RNLS: variants seen among roughly 807,000 people sequenced by gnomAD.
The protein encoded by RNLS is renalase, FAD dependent amine oxidase, also known as renalase.
RNLS carries 39 observed loss-of-function variants against 39.8 expected under a neutral mutation model. The ratio of observed to expected loss-of-function variants is 0.98; its 90% CI spans 0.76 to 1.28. The LOEUF is 1.28. Among genes scored for constraint, RNLS ranks in the 50% most tolerant of loss-of-function variants. The pLI is 0.00. For missense variants in RNLS, 410 were observed against 413.3 expected (o/e 0.99, Z 0.07); for synonymous variants, 147 against 150.7 (o/e 0.98, Z 0.18).
At chr10:88,366,925 G>A (rs2133398573) in intron 4 of RNLS, among the ~76,000 whole-genome samples, 1 of 151,750 alleles carries the variant, frequency 6.6e-6, no homozygotes, top group South Asian at 2.1e-4. Context: ...ATGACTTCAT[G>A]GCCAGTGGAG....
chr10:88,277,579 G>T (rs1019538582), intron 6 of RNLS, among the ~76,000 whole-genome samples: 4 of 152,124 alleles, frequency 2.6e-5, no homozygotes, highest in Non-Finnish European at 5.9e-5. Flanking sequence ...AAGAGTTATT[G>T]ACCTTTGAAT....
intron 5 of RNLS, among the ~76,000 whole-genome samples, chr10:88,318,885 A>G (rs1462856711): frequency 6.6e-6 from 1 of 152,178 alleles, no homozygotes; most frequent in African/African-American, 2.4e-5. Flanking sequence ...AGCATGCTCC[A>G]ACAAAATCTC....
the RNLS span, among the ~76,000 whole-genome samples, chr10:88,234,493 CCAGGTG>C: frequency 6.6e-6 from 1 of 152,142 alleles, no homozygotes; most frequent in Non-Finnish European, 1.5e-5. Flanking sequence ...CCCCTTGTTT[CCAGGTG>C]CTTAGTGTAT....
At chr10:88,371,827 G>A (rs903075264) in intron 4 of RNLS, among the ~76,000 whole-genome samples, 7 of 152,096 alleles carry the variant, frequency 4.6e-5, no homozygotes, top group African/African-American at 1.7e-4. Flanking sequence ...CCGTCTAACA[G>A]GTAAATTCCG....
chr10:88,230,180 G>A, the RNLS span, among the ~76,000 whole-genome samples: 6 of 152,220 alleles, frequency 3.9e-5, no homozygotes, highest in South Asian at 1.2e-3. Context: ...CTGGATTTCT[G>A]TTAGAAATGA....
chr10:88,396,261 T>C (rs1852553320), intron 4 of RNLS, among the ~76,000 whole-genome samples: 1 of 152,012 alleles, frequency 6.6e-6, no homozygotes, highest in African/African-American at 2.4e-5. Context: ...AAAGTAATAA[T>C]TATAAATCTG....
intron 4 of RNLS, among the ~76,000 whole-genome samples, chr10:88,433,862 C>A (rs943825340): frequency 2.0e-5 from 3 of 152,036 alleles, no homozygotes; most frequent in African/African-American, 7.2e-5. Flanking sequence ...TAATGTAATG[C>A]AATATGCTTA....
the RNLS span, among the ~76,000 whole-genome samples, chr10:88,224,115 G>T: frequency 2.0e-5 from 3 of 151,962 alleles, no homozygotes; most frequent in South Asian, 4.1e-4. Context: ...TGTTCAGGCT[G>T]CTGTAACAAA....
At position 88,285,008 on chromosome 10, in the gene RNLS, A is replaced by G; in HGVS notation, c.*346T>C. On this transcript the variant is annotated 3_prime_UTR_variant, in exon 7 of 7. Transcript: ENST00000331772. The stretch of plus-strand genomic sequence containing the variant: ...TTCTTTATTCAGAATTGAAATTTTC[A>G]TAAGGATAATCAAGTTTTTGGCACA... 1 of 1,001,132 alleles carries G rather than the reference A, an allele frequency of 1.0e-6. No individual in the cohort carries two copies. The highest frequency in any genetic ancestry group is 1.2e-6 in the Non-Finnish European group (1 of 840,582). The allele number at this position is 1,001,132 out of a possible 1,614,324, so 62.0% of individuals were successfully genotyped here. A position where few individuals can be genotyped will look rare whatever the true frequency, so the allele number is the denominator to read the frequency against.
intron 5 of RNLS, among the ~76,000 whole-genome samples, chr10:88,344,445 T>G (rs1342141199): frequency 6.6e-6 from 1 of 152,124 alleles, no homozygotes; most frequent in Non-Finnish European, 1.5e-5. Context: ...TCTTTCCTAA[T>G]AAGACAAATG....
intron 6 of RNLS, among the ~76,000 whole-genome samples, chr10:88,292,349 AC>A (rs1469817165): frequency 6.6e-6 from 1 of 151,804 alleles, no homozygotes; most frequent in Non-Finnish European, 1.5e-5. Flanking sequence ...ATGGTAGAAA[AC>A]CAGCAATTCT....
the RNLS span, among the ~76,000 whole-genome samples, chr10:88,242,186 G>A: frequency 6.6e-6 from 1 of 152,126 alleles, no homozygotes; most frequent in Non-Finnish European, 1.5e-5. Context: ...AGAAAGGTTG[G>A]CATCCAACCC....
At chr10:88,536,046 A>G (rs1847737993) in intron 4 of RNLS, among the ~76,000 whole-genome samples, 1 of 152,146 alleles carries the variant, frequency 6.6e-6, no homozygotes, top group Non-Finnish European at 1.5e-5. Flanking sequence ...GGACTTTCCA[A>G]TCAGACAGGC....
chr10:88,215,684 A>G, the RNLS span, among the ~76,000 whole-genome samples: 2 of 142,100 alleles, frequency 1.4e-5, no homozygotes. Context: ...TAGGGAAACC[A>G]TCTGTAATTT....
intron 6 of RNLS, among the ~76,000 whole-genome samples, chr10:88,310,824 A>AAAAAAAAAAG (rs1217903555): frequency 7.1e-5 from 8 of 113,402 alleles, no homozygotes; most frequent in Non-Finnish European, 1.5e-4. Context: ...AAAAAAAAAA[A>AAAAAAAAAAG]AAAGAAAGAA....
At chr10:88,375,855 GGAA>G in intron 4 of RNLS, among the ~76,000 whole-genome samples, 1 of 152,242 alleles carries the variant, frequency 6.6e-6, no homozygotes, top group East Asian at 1.9e-4. Flanking sequence ...ATATGGGATT[GGAA>G]GAAGGATCAG....
chr10:88,317,087 T>G (rs1845818104), intron 5 of RNLS, among the ~76,000 whole-genome samples: 1 of 152,224 alleles, frequency 6.6e-6, no homozygotes, highest in Non-Finnish European at 1.5e-5. Flanking sequence ...TTTCTTTTCT[T>G]TATTCAGTTT....
Position 88,285,205 on chromosome 10 carries a change from T to C in RNLS, c.*149A>G, listed in dbSNP as rs977345984. ...GGTTGTAACTATCAAAATTACAAAA[T>C]TGATTTTATACTCCACATGAAAAAT... is the stretch of plus-strand genomic sequence containing the variant. On this transcript the variant is annotated 3_prime_UTR_variant, in exon 7 of 7. Coordinates refer to ENST00000331772, the MANE Select transcript of RNLS (RefSeq NM_001031709.3). The C allele has an allele frequency of 3.8e-6, 5 of 1,321,212 alleles. No individual in the cohort carries two copies. The highest frequency in any genetic ancestry group is 3.9e-6 in the Non-Finnish European group (4 of 1,032,482). The allele number at this position is 1,321,212 out of a possible 1,614,324, so 81.8% of individuals were successfully genotyped here.
rs962648014 is a variant in RNLS, at chr10:88,355,057, A to G, written c.700+7495T>C. ...ACGTAGTTCTTGTGCCATGGTTTTCAGCTCCATCAGGTCCTTTAAGGACTT... is the reference window on the plus strand; with the variant it reads ...ACGTAGTTCTTGTGCCATGGTTTTCGGCTCCATCAGGTCCTTTAAGGACTT... On this transcript the variant is annotated intron_variant, in intron 5 of 6. Coordinates refer to ENST00000331772, the MANE Select transcript of RNLS (RefSeq NM_001031709.3). Among the ~76,000 whole-genome samples the G allele has an allele frequency of 5.3e-4, 81 of 152,178 alleles. 2 individuals carry two copies. Among genetic ancestry groups the G allele is most frequent in the African/African-American group, 2.4e-5 (1 of 41,442 alleles).
Sources: allele counts gnomAD v4.1 joint callset (sites outside exome capture counted in the v4.1 genomes callset), GRCh38; gene constraint gnomAD v4.1.1; transcripts MANE v1.5; gene names NCBI Gene and HGNC (gene_info 2026-07-23, HGNC 2026-07-21).